CARMIL1: variants seen among roughly 807,000 people sequenced by gnomAD.
CARMIL1 encodes F-actin-uncapping protein LRRC16A.
Under a neutral mutation model 177.1 loss-of-function variants are expected in CARMIL1, and 90 were observed. The observed-to-expected ratio is 0.51, with a 90% CI of 0.43 to 0.61. The LOEUF is 0.61. CARMIL1 is among the 20% of genes least tolerant of loss of function. CARMIL1 has a pLI of 0.00. For missense variants in CARMIL1, 1,380 were observed against 1,667.0 expected (o/e 0.83, Z 3.00); for synonymous variants, 577 against 606.2 (o/e 0.95, Z 0.71).
chr6:25,392,054 ATGTGTGTG>A (rs36076582), intron 2 of CARMIL1, among the ~76,000 whole-genome samples: 8,350 of 139,180 alleles, frequency 0.06, 239 homozygotes, highest in South Asian at 0.086. Context: ...GTGTATATGC[ATGTGTGTG>A]TGTGTGTGTG....
In CARMIL1 at chr6:25,332,767, A is replaced by ACACG. The variant is rs1554165929; in HGVS notation, c.138+47861_138+47862insGCAC. Among the ~76,000 whole-genome samples the ACACG allele has an allele frequency of 5.9e-4, 82 of 138,452 alleles. 1 individual carries two copies. In the South Asian group the frequency reaches 0.013, roughly 22 times the overall value. 90.8% of individuals were successfully genotyped at this position (138,452 alleles called of 152,430 possible). A position where few individuals can be genotyped will look rare whatever the true frequency, so the allele number is the denominator to read the frequency against. On this transcript the variant is annotated intron_variant, in intron 2 of 36. Transcript: ENST00000329474. ...TACACACACACACACACACACACAC[A>ACACG]CACACGCGCACACACACACACACAC...
chr6:25,345,250 A>G (rs1464399450), intron 2 of CARMIL1, among the ~76,000 whole-genome samples: 1 of 152,162 alleles, frequency 6.6e-6, no homozygotes, highest in Non-Finnish European at 1.5e-5. Flanking sequence ...GACTGCTTGG[A>G]CACACATGCA....
intron 2 of CARMIL1, among the ~76,000 whole-genome samples, chr6:25,381,470 T>C (rs1201854251): frequency 6.6e-6 from 1 of 152,180 alleles, no homozygotes; most frequent in Non-Finnish European, 1.5e-5. Flanking sequence ...TCTTCTCCAC[T>C]TTAGATGCCA....
chr6:25,540,072 A>G lies in CARMIL1; in HGVS notation c.2322A>G (p.Gln774=). Residue 774 remains glutamine (Q), a synonymous_variant, in exon 26 of 37, where the codon CAA becomes CAG. Coordinates refer to ENST00000329474, the MANE Select transcript of CARMIL1 (RefSeq NM_017640.6). ...AGEVTRVVDE[Q]LKALLESMVD... ...AAGTTACAAGAGTAGTAGATGAACA[A>G]CTAAAGGTTTGTGGGGTTTGTTATT... 1 of 1,596,404 alleles carries G rather than the reference A, an allele frequency of 6.3e-7. No individual in the cohort carries two copies. The highest frequency in any genetic ancestry group is 1.4e-5 in the African/African-American group (1 of 73,922).
chr6:25,334,449 A>G (rs1561998108), intron 2 of CARMIL1, among the ~76,000 whole-genome samples: 2 of 152,130 alleles, frequency 1.3e-5, no homozygotes, highest in African/African-American at 4.8e-5. Context: ...TCTTCTACCA[A>G]CTGCTAACCA....
At chr6:25,570,795 T>C (rs557908786) in intron 29 of CARMIL1, among the ~76,000 whole-genome samples, 18 of 152,312 alleles carry the variant, frequency 1.2e-4, no homozygotes, top group Admixed American at 2.6e-4. Flanking sequence ...TTGTGTTTAG[T>C]AGGAAATGTG....
chr6:25,455,782 G>A (rs534117985), intron 8 of CARMIL1, among the ~76,000 whole-genome samples: 25 of 152,272 alleles, frequency 1.6e-4, no homozygotes, highest in Non-Finnish European at 3.5e-4. Flanking sequence ...ATTCAAAGCC[G>A]GGGATTTTAG....
chr6:25,297,540 G>A (rs1227097719), intron 2 of CARMIL1, among the ~76,000 whole-genome samples: 3 of 152,192 alleles, frequency 2.0e-5, no homozygotes, highest in African/African-American at 7.2e-5. Flanking sequence ...TCTTGGCAAA[G>A]CCTGGATGCG....
chr6:25,538,951 C>T (rs1217167794), intron 25 of CARMIL1, among the ~76,000 whole-genome samples: 1 of 152,056 alleles, frequency 6.6e-6, no homozygotes, highest in Non-Finnish European at 1.5e-5. Flanking sequence ...CAGTAGGCTT[C>T]AGAGAACTTT....
chr6:25,290,559 T>C (rs146858667), intron 2 of CARMIL1, among the ~76,000 whole-genome samples: 12 of 152,014 alleles, frequency 7.9e-5, no homozygotes, highest in South Asian at 4.2e-4. Flanking sequence ...GTCTCCACTT[T>C]GGTTTCTTCT....
At chr6:25,604,764 A>C (rs748708692) in intron 33 of CARMIL1, 48 bp from the exon 34 acceptor site, 4 of 1,406,842 alleles carry the variant, frequency 2.8e-6, no homozygotes, top group Non-Finnish European at 3.9e-6. Context: ...TCACTTTTGC[A>C]TTAAATAAAT....
chr6:25,435,194 C>T (rs547196496), intron 4 of CARMIL1, among the ~76,000 whole-genome samples: 6 of 152,290 alleles, frequency 3.9e-5, no homozygotes, highest in African/African-American at 1.4e-4. Context: ...TCTGACAATA[C>T]TTCCACCCTC....
At chr6:25,347,834 C>T (rs79118127) in intron 2 of CARMIL1, among the ~76,000 whole-genome samples, 8,536 of 152,262 alleles carry the variant, frequency 0.056, 285 homozygotes, top group Non-Finnish European at 0.088. Context: ...TTCAGGTTCT[C>T]ATCCAGGATA....
chr6:25,328,212 A>G (rs763648704), intron 2 of CARMIL1, among the ~76,000 whole-genome samples: 1 of 152,230 alleles, frequency 6.6e-6, no homozygotes, highest in Non-Finnish European at 1.5e-5. Context: ...GGGGACTCAC[A>G]GAGCAGTGGC....
chr6:25,387,544 T>G (rs866845853), intron 2 of CARMIL1, among the ~76,000 whole-genome samples: 5 of 152,254 alleles, frequency 3.3e-5, no homozygotes, highest in Non-Finnish European at 7.3e-5. Flanking sequence ...GCAGTATATA[T>G]TCTGCAATTC....
At chr6:25,303,717 A>C (rs960634986) in intron 2 of CARMIL1, among the ~76,000 whole-genome samples, 6 of 152,276 alleles carry the variant, frequency 3.9e-5, no homozygotes, top group African/African-American at 1.4e-4. Flanking sequence ...AAATTAGCCA[A>C]CTGGAGAAAT....
intron 36 of CARMIL1, among the ~76,000 whole-genome samples, chr6:25,613,989 G>A (rs1816695510): frequency 6.6e-6 from 1 of 152,254 alleles, no homozygotes; most frequent in African/African-American, 2.4e-5. Context: ...AAAGGGATAA[G>A]CCATTCTTGA....
intron 2 of CARMIL1, among the ~76,000 whole-genome samples, chr6:25,309,766 CTTTTTTTTT>C (rs34514583): frequency 8.6e-6 from 1 of 116,908 alleles, no homozygotes; most frequent in African/African-American, 3.0e-5. Flanking sequence ...TATACCACAT[CTTTTTTTTT>C]TTTTTTTTTT....
intron 35 of CARMIL1, among the ~76,000 whole-genome samples, chr6:25,608,426 A>T (rs957806479): frequency 6.6e-6 from 1 of 152,282 alleles, no homozygotes; most frequent in East Asian, 1.9e-4. Context: ...GTTCAGTACT[A>T]TCCCGGTTTC....
Sources: allele counts gnomAD v4.1 joint callset (sites outside exome capture counted in the v4.1 genomes callset), GRCh38; gene constraint gnomAD v4.1.1; transcripts MANE v1.5; gene names NCBI Gene and HGNC (gene_info 2026-07-23, HGNC 2026-07-21).